The following PYGL variants were observed in gnomAD, a reference collection of about 807,000 sequenced individuals.
PYGL encodes glycogen phosphorylase, liver form.
In PYGL, 90 loss-of-function variants were observed where a neutral mutation model predicts 100.1. The ratio of observed to expected loss-of-function variants is 0.90; its 90% CI spans 0.76 to 1.07. PYGL has a LOEUF of 1.07. Among genes scored for constraint, PYGL ranks in the 50% least tolerant of loss-of-function variants. The pLI is 0.00. For missense variants in PYGL, 1,016 were observed against 1,057.6 expected (o/e 0.96, Z 0.55); for synonymous variants, 373 against 393.0 (o/e 0.95, Z 0.60).
At chr14:50,933,540 T>A (rs148442119) in intron 3 of PYGL, among the ~76,000 whole-genome samples, 2 of 152,314 alleles carry the variant, frequency 1.3e-5, no homozygotes, top group East Asian at 3.9e-4. Context: ...GTAGTACATT[T>A]TTATTATTAA....
Position 50,944,341 on chromosome 14 carries a change from G to C in PYGL, c.63C>G (p.Gly21=), listed in dbSNP as rs751598191. The change falls in exon 1 of 20, where the codon GGC becomes GGG. Residue 21 remains glycine, a synonymous_variant. Transcript: ENST00000216392. ...TCTTCAGCTCTGCCACGTTCTCCACGCCCACGATGCCGCGGATGCTGATCT... is the reference window on the plus strand; with the variant it reads ...TCTTCAGCTCTGCCACGTTCTCCACCCCCACGATGCCGCGGATGCTGATCT... ...RRQISIRGIV[G]VENVAELKKS... 2 of 1,613,704 alleles carry C rather than the reference G, an allele frequency of 1.2e-6. No individual in the cohort carries two copies. The highest frequency in any genetic ancestry group is 2.2e-5 in the South Asian group (2 of 91,092).
chr14:50,922,718 G>T (rs60526450), intron 5 of PYGL, among the ~76,000 whole-genome samples: 3,083 of 152,298 alleles, frequency 0.02, 30 homozygotes, highest in African/African-American at 0.031. Context: ...CATCAGCCTG[G>T]CCACTTGCTC....
chr14:50,908,139 G>GT (rs370516973), intron 19 of PYGL, 132 bp downstream of exon 19: 12,531 of 486,942 alleles, frequency 0.026, 37 homozygotes, highest in African/African-American at 0.043. Flanking sequence ...TGTTTTTGTT[G>GT]TTTTTTTTTT....
intron 18 of PYGL, 30 bp from the exon 19 acceptor site, chr14:50,908,367 AAC>A: frequency 6.6e-7 from 1 of 1,524,868 alleles, no homozygotes; most frequent in Non-Finnish European, 9.1e-7. Context: ...AGAGGAAAAA[AAC>A]AGTCAAAATC....
chr14:50,936,810 A>T (rs910407619), intron 2 of PYGL, among the ~76,000 whole-genome samples: 2 of 151,886 alleles, frequency 1.3e-5, no homozygotes, highest in African/African-American at 4.8e-5. Flanking sequence ...AAAAAGTATG[A>T]TATAAATTTT....
rs375954816 is a variant in PYGL, at chr14:50,923,921, T to C, written c.660+48A>G. ...GCTACATAGTCAATGTATTATCTAC[T>C]GTACTAAATACTATACAAAACGCTG... is the stretch of plus-strand genomic sequence containing the variant. On this transcript the variant is annotated intron_variant, in intron 5 of 19. Transcript: ENST00000216392. The C allele has an allele frequency of 3.2e-6, 5 of 1,568,638 alleles. No individual in the cohort carries two copies. In the African/African-American group the frequency reaches 5.4e-5, roughly 17 times the overall value.
At chr14:50,910,158 T>A in intron 16 of PYGL, 56 bp from the exon 17 acceptor site, 1 of 1,524,394 alleles carries the variant, frequency 6.6e-7, no homozygotes, top group Non-Finnish European at 9.1e-7. Flanking sequence ...CTGCTTGTAT[T>A]GTATTGAAGC....
Position 50,938,153 on chromosome 14 carries a change from T to A in PYGL, c.244-316A>T, listed in dbSNP as rs561117416. 2.0e-5 allele frequency among the ~76,000 whole-genome samples: 3 copies of A among 152,218 alleles called. No individual in the cohort carries two copies. In the South Asian group the frequency reaches 6.2e-4, roughly 32 times the overall value. On this transcript the variant is annotated intron_variant, in intron 1 of 19. Coordinates refer to ENST00000216392, the MANE Select transcript of PYGL (RefSeq NM_002863.5). ...TTGCTGATAAAAGGTTTTCTTTGCC[T>A]CCTTTTTAATGATTCCAAATTAGCA...
In PYGL at chr14:50,909,971, C is replaced by T. The variant is rs761603650; in HGVS notation, c.2101G>A (p.Ala701Thr). Residue 701 changes from alanine (A) to threonine (T), a missense_variant, in exon 17 of 20, where the codon GCA becomes ACA. Ala to Thr is a moderately conservative substitution (Grantham distance 58, BLOSUM62 0). Transcript: ENST00000216392. Reference protein sequence around the residue: ...GTMDGANVEMAEEAGEENLFI... With the variant: ...GTMDGANVEMTEEAGEENLFI... ...AGGTTCTCTTCCCCAGCTTCTTCTG[C>T]CATTTCCACATTGGCCCCATCCATG... 3 of 1,614,226 alleles carry T rather than the reference C, an allele frequency of 1.9e-6. No homozygotes were observed. In the South Asian group the frequency reaches 3.3e-5, roughly 18 times the overall value.
chr14:50,937,573 G>C (rs1215395070), intron 2 of PYGL, among the ~76,000 whole-genome samples, 163 bp downstream of exon 2: 3 of 152,178 alleles, frequency 2.0e-5, no homozygotes, highest in Non-Finnish European at 4.4e-5. Context: ...TTAAATGAGA[G>C]ATTACCAGTG....
intron 1 of PYGL, 126 bp downstream of exon 1, chr14:50,944,035 G>A: frequency 1.5e-6 from 2 of 1,291,942 alleles, no homozygotes; most frequent in Non-Finnish European, 2.1e-6. Context: ...CGTCTCCTCT[G>A]GACTTCGGGG....
rs766239486 is a variant in PYGL, at chr14:50,909,999, C to A, written c.2073G>T (p.Gly691=). The change falls in exon 17 of 20, where the codon GGG becomes GGT. Residue 691 remains glycine (G), a synonymous_variant. Coordinates refer to ENST00000216392, the MANE Select transcript of PYGL (RefSeq NM_002863.5). ...KFMLNGALTI[G]TMDGANVEMA... is the part of the protein sequence containing the mutation. ...TTTCCACATTGGCCCCATCCATGGTCCCGATAGTTAGGGCCCCATTTAGCA... is the reference window on the plus strand; with the variant it reads ...TTTCCACATTGGCCCCATCCATGGTACCGATAGTTAGGGCCCCATTTAGCA... 1 of 1,614,212 alleles carries A rather than the reference C, an allele frequency of 6.2e-7. No individual in the cohort carries two copies. Among genetic ancestry groups the A allele is most frequent in the Non-Finnish European group, 8.5e-7 (1 of 1,180,042 alleles).
Position 50,942,226 on chromosome 14 carries a change from G to A in PYGL, c.243+1935C>T, listed in dbSNP as rs561597121. On this transcript the variant is annotated intron_variant, in intron 1 of 19. Transcript: ENST00000216392. ...TTCATTGTTGTATCCCCAGTGTATCGCTATCAGAATTTACACACGTCGGAA... is the reference window on the plus strand; with the variant it reads ...TTCATTGTTGTATCCCCAGTGTATCACTATCAGAATTTACACACGTCGGAA... 4.8e-3 allele frequency among the ~76,000 whole-genome samples: 455 copies of A among 94,634 alleles called. 47 individuals carry two copies. The highest frequency in any genetic ancestry group is 0.012 in the African/African-American group (421 of 34,148). The allele number at this position is 94,634 out of a possible 152,430, so 62.1% of individuals were successfully genotyped here.
intron 3 of PYGL, among the ~76,000 whole-genome samples, chr14:50,933,696 C>T (rs535074863): frequency 3.3e-5 from 5 of 152,090 alleles, no homozygotes; most frequent in South Asian, 4.2e-4. Context: ...GGAACAGTTT[C>T]GTATTTAAAA....
intron 5 of PYGL, chr14:50,923,277 TTTTTATTTTA>T (rs942215540): frequency 6.6e-6 from 1 of 152,172 alleles, no homozygotes; most frequent in African/African-American, 2.4e-5. Flanking sequence ...CAAACTTTTA[TTTTTATTTTA>T]TTTTATTTTA....
intron 1 of PYGL, 133 bp from the exon 2 acceptor site, chr14:50,937,970 G>C (rs2050670446): frequency 9.8e-6 from 8 of 812,888 alleles, no homozygotes; most frequent in African/African-American, 1.7e-5. Context: ...GTTCGAATGA[G>C]ACTCCCGTCA....
At chr14:50,910,294 A>T (rs2050381059) in intron 16 of PYGL, among the ~76,000 whole-genome samples, 192 bp from the exon 17 acceptor site, 1 of 152,104 alleles carries the variant, frequency 6.6e-6, no homozygotes, top group African/African-American at 2.4e-5. Context: ...TGTCCATTTT[A>T]TATGCTTGTA....
At chr14:50,930,026 G>A (rs1339149314) in intron 4 of PYGL, among the ~76,000 whole-genome samples, 1 of 151,932 alleles carries the variant, frequency 6.6e-6, no homozygotes, top group East Asian at 1.9e-4. Flanking sequence ...TTATCTTTCT[G>A]GCCTTCTCTG....
intron 5 of PYGL, among the ~76,000 whole-genome samples, chr14:50,922,331 T>C (rs1186020851): frequency 1.3e-5 from 2 of 152,224 alleles, no homozygotes; most frequent in African/African-American, 2.4e-5. Flanking sequence ...TGAAGCATTA[T>C]GGCCCATATC....
Sources: gnomAD v4.1 joint callset for allele counts (sites outside exome capture counted in the v4.1 genomes callset) on GRCh38, gnomAD v4.1.1 for gene constraint, MANE v1.5 for transcripts, NCBI Gene and HGNC (gene_info 2026-07-23, HGNC 2026-07-21) for gene names.